ADARB2: variants seen among roughly 807,000 people sequenced by gnomAD.
ADARB2 encodes inactive double-stranded RNA-specific editase B2.
Under a neutral mutation model 62.2 loss-of-function variants are expected in ADARB2, and 25 were observed. The observed-to-expected ratio is 0.40, with a 90% CI of 0.29 to 0.56. ADARB2 has a LOEUF of 0.56. Among genes scored for constraint, ADARB2 ranks in the 20% least tolerant of loss-of-function variants. ADARB2 has a pLI of 0.43. For synonymous variants in ADARB2, 572 were observed against 500.8 expected (o/e 1.14, Z -1.90); for missense variants, 1,071 against 1,077.4 (o/e 0.99, Z 0.08).
intron 1 of ADARB2, among the ~76,000 whole-genome samples, chr10:1,703,756 G>A (rs981027156): frequency 5.9e-5 from 9 of 152,262 alleles, no homozygotes; most frequent in Middle Eastern, 3.4e-3. Context: ...ATCTGGGAGC[G>A]TTTCTTTGAA....
intron 1 of ADARB2, among the ~76,000 whole-genome samples, chr10:1,650,555 C>A (rs1834097557): frequency 6.6e-6 from 1 of 152,186 alleles, no homozygotes; most frequent in Non-Finnish European, 1.5e-5. Context: ...CCTTCCCATA[C>A]AAAAGTGGCA....
chr10:1,351,555 A>T (rs1191454355), intron 3 of ADARB2, among the ~76,000 whole-genome samples: 1 of 151,974 alleles, frequency 6.6e-6, no homozygotes, highest in East Asian at 1.9e-4. Context: ...CTGACTATTC[A>T]TTGCCGCCTT....
chr10:1,314,625 G>A (rs1335336841), intron 3 of ADARB2, among the ~76,000 whole-genome samples: 1 of 152,222 alleles, frequency 6.6e-6, no homozygotes, highest in East Asian at 1.9e-4. Flanking sequence ...TTTCGCAGGA[G>A]GGTCTCAAAT....
At chr10:1,626,121 C>T (rs1221753590) in intron 1 of ADARB2, among the ~76,000 whole-genome samples, 1 of 142,004 alleles carries the variant, frequency 7.0e-6, no homozygotes, top group Non-Finnish European at 1.5e-5. Context: ...CAGACACTAA[C>T]CCCACGTCTG....
chr10:1,729,941 C>A (rs1835211717), intron 1 of ADARB2, among the ~76,000 whole-genome samples: 1 of 152,214 alleles, frequency 6.6e-6, no homozygotes, highest in Admixed American at 6.5e-5. Context: ...TCAAAGACTT[C>A]ATCTCAAATA....
At chr10:1,484,814 C>T (rs1831520942) in intron 1 of ADARB2, among the ~76,000 whole-genome samples, 1 of 152,006 alleles carries the variant, frequency 6.6e-6, no homozygotes, top group Non-Finnish European at 1.5e-5. Context: ...AGACATCCAC[C>T]TATGTTGGCA....
At chr10:1,337,044 T>G (rs1299893002) in intron 3 of ADARB2, among the ~76,000 whole-genome samples, 2 of 146,712 alleles carry the variant, frequency 1.4e-5, no homozygotes, top group Non-Finnish European at 3.0e-5. Context: ...GATTTTTCCC[T>G]TTTTTACTTA....
At chr10:1,688,991 A>T (rs1834634443) in intron 1 of ADARB2, among the ~76,000 whole-genome samples, 1 of 152,198 alleles carries the variant, frequency 6.6e-6, no homozygotes, top group Non-Finnish European at 1.5e-5. Context: ...TTTGCAGGTG[A>T]TCAGTGACTA....
intron 1 of ADARB2, among the ~76,000 whole-genome samples, chr10:1,513,953 T>A (rs1831971959): frequency 6.6e-6 from 1 of 151,736 alleles, no homozygotes; most frequent in South Asian, 2.1e-4. Flanking sequence ...CCGGGGGCAA[T>A]GGCTCATGCT....
intron 3 of ADARB2, among the ~76,000 whole-genome samples, chr10:1,310,587 G>T (rs1010399692): frequency 6.6e-6 from 1 of 152,174 alleles, no homozygotes; most frequent in Admixed American, 6.5e-5. Context: ...GAGCCCACTC[G>T]GTGCTGGGCA....
chr10:1,525,957 G>A (rs1418841322), intron 1 of ADARB2, among the ~76,000 whole-genome samples: 4 of 149,652 alleles, frequency 2.7e-5, no homozygotes, highest in African/African-American at 7.3e-5. Flanking sequence ...GTGTGTGTGC[G>A]TGTGTGCTTA....
At chr10:1,546,293 C>T (rs563287069) in intron 1 of ADARB2, among the ~76,000 whole-genome samples, 30 of 152,358 alleles carry the variant, frequency 2.0e-4, no homozygotes, top group African/African-American at 6.0e-4. Context: ...ATTGGCTTTC[C>T]GTGCAGAGAG....
At chr10:1,193,027 G>A (rs907610796) in intron 8 of ADARB2, among the ~76,000 whole-genome samples, 48 of 152,230 alleles carry the variant, frequency 3.2e-4, no homozygotes, top group Non-Finnish European at 4.4e-5. Context: ...GCTTTTCCTC[G>A]CCTTCCCTCA....
At chr10:1,232,080 G>A (rs1441526643) in intron 6 of ADARB2, among the ~76,000 whole-genome samples, 1 of 152,154 alleles carries the variant, frequency 6.6e-6, no homozygotes, top group Non-Finnish European at 1.5e-5. Context: ...TGCTGTCCAT[G>A]TATGTCTGCC....
chr10:1,195,890 G>A (rs1186297612), intron 8 of ADARB2, among the ~76,000 whole-genome samples: 6 of 152,242 alleles, frequency 3.9e-5, no homozygotes, highest in South Asian at 2.1e-4. Context: ...GACCACCTTC[G>A]TAACCCCACT....
intron 8 of ADARB2, among the ~76,000 whole-genome samples, chr10:1,198,682 G>C (rs916328534): frequency 1.3e-5 from 2 of 152,248 alleles, no homozygotes; most frequent in African/African-American, 4.8e-5. Context: ...GCTATTATCT[G>C]TGCCACTCAA....
At chr10:1,408,216 C>G (rs1267836527) in intron 1 of ADARB2, among the ~76,000 whole-genome samples, 4 of 152,168 alleles carry the variant, frequency 2.6e-5, no homozygotes, top group African/African-American at 9.7e-5. Context: ...GAACATTTTT[C>G]ATTATCTAAA....
chr10:1,737,246 G>A lies in ADARB2; in HGVS notation c.-96C>T. 7.5e-7 allele frequency: 1 copy of A among 1,340,092 alleles called. No individual in the cohort carries two copies. Among genetic ancestry groups the A allele is most frequent in the Non-Finnish European group, 1.1e-6 (1 of 951,536 alleles). 83.0% of individuals were successfully genotyped at this position (1,340,092 alleles called of 1,614,324 possible). A position where few individuals can be genotyped will look rare whatever the true frequency, so the allele number is the denominator to read the frequency against. On this transcript the variant is annotated 5_prime_UTR_variant, in exon 1 of 10. Transcript: ENST00000381312. ...CGCCGCCGCCGCTGCTGCGAAGCTT[G>A]AGGTTGCAAACCCGGGAGCGGCTCA...
intron 2 of ADARB2, among the ~76,000 whole-genome samples, chr10:1,370,593 G>C (rs992177698): frequency 1.3e-5 from 2 of 152,122 alleles, no homozygotes; most frequent in African/African-American, 2.4e-5. Flanking sequence ...TTGATAAATG[G>C]CTTCAGTAAA....
Sources: allele counts gnomAD v4.1 joint callset (sites outside exome capture counted in the v4.1 genomes callset), GRCh38; gene constraint gnomAD v4.1.1; transcripts MANE v1.5; gene names NCBI Gene and HGNC (gene_info 2026-07-23, HGNC 2026-07-21).